Variants in LGALS1 observed in about 807,000 individuals in gnomAD.
LGALS1 encodes galectin 1, also known as galectin-1.
Under a neutral mutation model 14.4 loss-of-function variants are expected in LGALS1, and 14 were observed. The ratio of observed to expected loss-of-function variants is 0.97; its 90% CI spans 0.64 to 1.52. LGALS1 has a LOEUF of 1.52. LGALS1 is among the 40% of genes most tolerant of loss of function. The probability of loss-of-function intolerance (pLI) is 0.00; values close to 1 mark genes in which losing one functional copy is unlikely to be tolerated. For missense variants in LGALS1, 170 were observed against 181.4 expected, an observed-to-expected ratio of 0.94 and a Z score of 0.36; for synonymous variants, 71 against 73.4, an observed-to-expected ratio of 0.97 and a Z score of 0.17.
In LGALS1 at chr22:37,678,964, G is replaced by A. The variant is rs553595973; in HGVS notation, c.261+310G>A. Among the ~76,000 whole-genome samples, 8 of 148,514 alleles carry A rather than the reference G, an allele frequency of 5.4e-5. No homozygotes were observed. In the Middle Eastern group the frequency reaches 0.011, roughly 196 times the overall value. ...GACCAACATGGAGAAACCCTGTCTC[G>A]ACTAAAAATACAAAAAATTAGCTAG... On this transcript the variant is annotated intron_variant, in intron 3 of 3. Coordinates refer to ENST00000215909, the MANE Select transcript of LGALS1 (RefSeq NM_002305.4).
At chr22:37,676,427 T>A (rs78788667) in intron 1 of LGALS1, among the ~76,000 whole-genome samples, 1 of 152,200 alleles carries the variant, frequency 6.6e-6, no homozygotes, top group African/African-American at 2.4e-5. Flanking sequence ...TTGTTAACCC[T>A]GAGCCAGCCC....
intron 1 of LGALS1, chr22:37,676,062 A>C (rs1387156629): frequency 4.6e-6 from 1 of 218,080 alleles, no homozygotes; most frequent in African/African-American, 2.3e-5. Flanking sequence ...CACCCCAAAG[A>C]GCCTCCTGTC....
intron 2 of LGALS1, chr22:37,677,448 C>T: frequency 3.7e-6 from 1 of 270,442 alleles, no homozygotes; most frequent in Non-Finnish European, 7.4e-6. Flanking sequence ...GTCATTCATT[C>T]ATTCACTGGC....
chr22:37,676,247 C>T (rs1921423986), intron 1 of LGALS1: 1 of 152,752 alleles, frequency 6.5e-6, no homozygotes, highest in Admixed American at 6.5e-5. Flanking sequence ...GGGAAATTCC[C>T]TTCCACCACC....
In LGALS1 at chr22:37,677,057, C is replaced by T; in HGVS notation, c.81C>T (p.Asp27=). The change falls in exon 2 of 4, where the codon GAC becomes GAT. Residue 27 remains aspartate, a synonymous_variant. Coordinates refer to ENST00000215909, the MANE Select transcript of LGALS1 (RefSeq NM_002305.4). ...GAGTGCGAGGCGAGGTGGCTCCTGA[C>T]GCTAAGAGGTGAGAAGTGAAGTCGG... ...CLRVRGEVAP[D]AKSFVLNLGK... The T allele has an allele frequency of 1.2e-6, 2 of 1,613,968 alleles. No homozygotes were observed. The highest frequency in any genetic ancestry group is 1.7e-6 in the Non-Finnish European group (2 of 1,179,940).
chr22:37,675,850 G>T (rs1431487723), intron 1 of LGALS1, 139 bp downstream of exon 1: 1 of 686,434 alleles, frequency 1.5e-6, no homozygotes. Flanking sequence ...CTGGACCTCA[G>T]TGGCCACATC....
At position 37,675,644 on chromosome 22, in the gene LGALS1, C is replaced by T. The variant is rs1601601041; in HGVS notation, c.-59C>T. The T allele has an allele frequency of 1.7e-5, 27 of 1,543,766 alleles. No individual in the cohort carries two copies. The highest frequency in any genetic ancestry group is 2.1e-5 in the Non-Finnish European group (24 of 1,142,958). The stretch of plus-strand genomic sequence containing the variant: ...GGAGCGTCCGGGGGCCCATCTCTCT[C>T]GGGTGGAGTCTTCTGACAGCTGGTG... On this transcript the variant is annotated 5_prime_UTR_variant, in exon 1 of 4. Transcript: ENST00000215909.
In LGALS1 at chr22:37,677,206, C is replaced by T. The variant is rs1321762939; in HGVS notation, c.89+141C>T. 5 of 804,464 alleles carry T rather than the reference C, an allele frequency of 6.2e-6. No individual in the cohort carries two copies. In the African/African-American group the frequency reaches 8.6e-5, roughly 14 times the overall value. The allele number at this position is 804,464 out of a possible 1,614,324, so 49.8% of individuals were successfully genotyped here. Reference sequence around the variant, plus strand: ...CCGATGCTGCGTTTTCTGGGTGACTCACTTCCCCCGCAGGGTCTGGGCGCC... The same window carrying T: ...CCGATGCTGCGTTTTCTGGGTGACTTACTTCCCCCGCAGGGTCTGGGCGCC... On this transcript the variant is annotated intron_variant, in intron 2 of 3. Coordinates refer to ENST00000215909, the MANE Select transcript of LGALS1 (RefSeq NM_002305.4).
Position 37,676,293 on chromosome 22 carries a change from A to G in LGALS1, c.9+582A>G, listed in dbSNP as rs1307622630. On this transcript the variant is annotated intron_variant, in intron 1 of 3. Coordinates refer to ENST00000215909, the MANE Select transcript of LGALS1 (RefSeq NM_002305.4). Reference sequence around the variant, plus strand: ...GAGGTTGGGGTGGCAGGGAGGTGAGAATCTTCCTCGGGCCCCAGGGAAAGG... The same window carrying G: ...GAGGTTGGGGTGGCAGGGAGGTGAGGATCTTCCTCGGGCCCCAGGGAAAGG... 2.6e-5 allele frequency: 4 copies of G among 152,588 alleles called. No individual in the cohort carries two copies. The East Asian group carries it at 7.7e-4, about 29-fold the overall frequency. 9.5% of individuals were successfully genotyped at this position (152,588 alleles called of 1,614,324 possible).
At chr22:37,677,255 C>G (rs1921465770) in intron 2 of LGALS1, 190 bp downstream of exon 2, 2 of 605,130 alleles carry the variant, frequency 3.3e-6, no homozygotes, top group Admixed American at 2.8e-5. Flanking sequence ...CCCCCTCCCC[C>G]GCTCCCTCCC....
intron 1 of LGALS1, 34 bp downstream of exon 1, chr22:37,675,745 G>T (rs376991752): frequency 1.8e-5 from 27 of 1,523,334 alleles, no homozygotes; most frequent in African/African-American, 1.2e-4. Context: ...AGGTCCAGGG[G>T]ATAGGGCAGG....
At chr22:37,675,836 T>G in intron 1 of LGALS1, 125 bp downstream of exon 1, 2 of 828,338 alleles carry the variant, frequency 2.4e-6, no homozygotes, top group South Asian at 2.3e-5. Flanking sequence ...GTGCCTTCTC[T>G]TTTCTGGACC....
intron 3 of LGALS1, among the ~76,000 whole-genome samples, chr22:37,679,131 CAAAA>C (rs66507477): frequency 9.7e-6 from 1 of 103,580 alleles, no homozygotes; most frequent in Non-Finnish European, 1.9e-5. Context: ...AACTCTGTCT[CAAAA>C]AAAAAAAAAA....
intron 2 of LGALS1, chr22:37,677,293 T>G: frequency 1.8e-6 from 1 of 554,664 alleles, no homozygotes; most frequent in African/African-American, 1.9e-5. Flanking sequence ...CTAAACCAGC[T>G]GCAGCCTCGT....
At position 37,679,601 on chromosome 22, in the gene LGALS1, A is replaced by G; in HGVS notation, c.262-2A>G. The G allele has an allele frequency of 6.2e-7, 1 of 1,602,266 alleles. No homozygotes were observed. Among genetic ancestry groups the G allele is most frequent in the South Asian group, 1.1e-5 (1 of 89,078 alleles). On this transcript the variant is annotated splice_acceptor_variant, in intron 3 of 3. Transcript: ENST00000215909. LOFTEE classifies it high-confidence loss of function. ...CGGCTCACTGCTCTCCTCTACCCCC[A>G]GGTGTGCATCACCTTCGACCAGGCC... is the stretch of plus-strand genomic sequence containing the variant.
At chr22:37,678,292 T>C in intron 2 of LGALS1, 191 bp from the exon 3 acceptor site, 1 of 715,574 alleles carries the variant, frequency 1.4e-6, no homozygotes, top group East Asian at 2.8e-5. Flanking sequence ...GCAGCCCCCA[T>C]TGTACAGATG....
intron 2 of LGALS1, chr22:37,677,528 G>A (rs576280766): frequency 5.1e-5 from 9 of 176,836 alleles, no homozygotes; most frequent in Admixed American, 1.8e-4. Context: ...GCAGTTAGGT[G>A]ACCTTGGACC....
Position 37,675,724 on chromosome 22 carries a change from A to C in LGALS1, c.9+13A>C, listed in dbSNP as rs974062985. ...AATCATGGCTTGTGTGAGTGTGGGG[A>C]CCCCCCCCCAAGGTCCAGGGGATAG... On this transcript the variant is annotated intron_variant, in intron 1 of 3. Coordinates refer to ENST00000215909, the MANE Select transcript of LGALS1 (RefSeq NM_002305.4). 1.9e-5 allele frequency: 27 copies of C among 1,408,010 alleles called. No individual in the cohort carries two copies. Among genetic ancestry groups the C allele is most frequent in the African/African-American group, 6.0e-5 (4 of 67,198 alleles). 87.2% of individuals were successfully genotyped at this position (1,408,010 alleles called of 1,614,324 possible). A position where few individuals can be genotyped will look rare whatever the true frequency, so the allele number is the denominator to read the frequency against.
intron 3 of LGALS1, 134 bp from the exon 4 acceptor site, chr22:37,679,465 AAAAG>A (rs1339607217): frequency 1.4e-6 from 1 of 708,070 alleles, no homozygotes; most frequent in Non-Finnish European, 2.0e-6. Flanking sequence ...GATTAGAGTA[AAAAG>A]AAAGAAAAAA....
Sources: gnomAD v4.1 joint callset for allele counts (sites outside exome capture counted in the v4.1 genomes callset) on GRCh38, gnomAD v4.1.1 for gene constraint, MANE v1.5 for transcripts, NCBI Gene and HGNC (gene_info 2026-07-23, HGNC 2026-07-21) for gene names.